The following COL4A6 variants were observed in gnomAD, a reference collection of about 807,000 sequenced individuals.
The protein encoded by COL4A6 is collagen alpha-6(IV) chain.
COL4A6 carries 59 observed loss-of-function variants against 126.7 expected under a neutral mutation model. The observed-to-expected ratio is 0.47, with a 90% CI of 0.38 to 0.58. The LOEUF is 0.58. Among genes scored for constraint, COL4A6 ranks in the 20% least tolerant of loss-of-function variants. The pLI is 0.00. For missense variants in COL4A6, 1,285 were observed against 1,337.3 expected (o/e 0.96, Z 0.61); for synonymous variants, 547 against 496.6 (o/e 1.10, Z -1.35).
chrX:108,433,311 T>G (rs2064206077), intron 2 of COL4A6, among the ~76,000 whole-genome samples: 1 of 111,229 alleles, frequency 9.0e-6, no homozygotes, highest in Non-Finnish European at 1.9e-5. Context: ...GGTCTTCTAT[T>G]TACATTTAAT....
At chrX:108,291,742 T>C (rs949427206) in intron 3 of COL4A6, among the ~76,000 whole-genome samples, 1 of 112,087 alleles carries the variant, frequency 8.9e-6, no homozygotes. Flanking sequence ...ATTGCCAGTA[T>C]TAATTTTAGA....
chrX:108,403,595 GT>G (rs1400644482), intron 2 of COL4A6, among the ~76,000 whole-genome samples: 1 of 110,349 alleles, frequency 9.1e-6, no homozygotes, highest in Admixed American at 9.7e-5. Flanking sequence ...TAATAAATGC[GT>G]TGTTCAATTC....
Position 108,348,801 on chromosome X carries a change from C to T in COL4A6, c.64-37973G>A, listed in dbSNP as rs188663019. Among the ~76,000 whole-genome samples the T allele has an allele frequency of 2.7e-5, 3 of 111,667 alleles. No individual in the cohort carries two copies. The East Asian group carries it at 8.5e-4, about 32-fold the overall frequency. On this transcript the variant is annotated intron_variant, in intron 2 of 44. Coordinates refer to ENST00000334504, the MANE Select transcript of COL4A6 (RefSeq NM_033641.4). ...TCCTAAACTCTAAAAGAAGAGTTGG[C>T]GAGGATACCAATTCTATTGAATTTC... is the stretch of plus-strand genomic sequence containing the variant.
At chrX:108,354,659 C>T (rs754301827) in intron 2 of COL4A6, among the ~76,000 whole-genome samples, 3 of 92,222 alleles carry the variant, frequency 3.3e-5, no homozygotes, top group Admixed American at 1.4e-4. Context: ...TAGCAAGGCT[C>T]GAAGCTGCCA....
At chrX:108,292,992 G>GAAAAA (rs2038206236) in intron 3 of COL4A6, among the ~76,000 whole-genome samples, 4 of 10,443 alleles carry the variant, frequency 3.8e-4, no homozygotes, top group Non-Finnish European at 4.4e-4. Context: ...AAGGAAAAAA[G>GAAAAA]CAAAAAAAAA....
chrX:108,392,694 T>C (rs1033109245), intron 2 of COL4A6, among the ~76,000 whole-genome samples: 3 of 110,926 alleles, frequency 2.7e-5, no homozygotes, highest in Non-Finnish European at 5.7e-5. Context: ...CTTCAGGAGG[T>C]GATTAGGTCA....
chrX:108,427,527 G>T (rs763545115), intron 2 of COL4A6, among the ~76,000 whole-genome samples: 4 of 111,704 alleles, frequency 3.6e-5, no homozygotes. Context: ...GAATATGCAC[G>T]TCCTGTTAAG....
intron 3 of COL4A6, among the ~76,000 whole-genome samples, chrX:108,278,900 T>A (rs1602991326): frequency 9.0e-6 from 1 of 111,147 alleles, no homozygotes; most frequent in African/African-American, 3.3e-5. Context: ...CTAAGCTTCA[T>A]AAGTGAAGGA....
intron 13 of COL4A6, among the ~76,000 whole-genome samples, chrX:108,201,633 G>A (rs1329778519): frequency 1.8e-5 from 2 of 111,895 alleles, no homozygotes; most frequent in Non-Finnish European, 3.8e-5. Context: ...GGGTACACGA[G>A]GAATCATTAT....
At chrX:108,360,957 A>T (rs1310656674) in intron 2 of COL4A6, among the ~76,000 whole-genome samples, 1 of 111,088 alleles carries the variant, frequency 9.0e-6, no homozygotes. Flanking sequence ...AGCGTGGGGC[A>T]GATCAGGGAA....
intron 3 of COL4A6, among the ~76,000 whole-genome samples, chrX:108,261,135 C>T (rs917760800): frequency 5.4e-5 from 6 of 111,257 alleles, no homozygotes; most frequent in South Asian, 3.8e-4. Context: ...AGCATGGTGC[C>T]GCCCTATATG....
intron 3 of COL4A6, among the ~76,000 whole-genome samples, chrX:108,241,212 C>T (rs948697892): frequency 3.6e-5 from 4 of 110,123 alleles, no homozygotes; most frequent in African/African-American, 9.9e-5. Flanking sequence ...ATAATAATAC[C>T]TACACTTACT....
chrX:108,202,772 A>G (rs1044186710), intron 13 of COL4A6, among the ~76,000 whole-genome samples, 156 bp downstream of exon 13: 3 of 111,951 alleles, frequency 2.7e-5, no homozygotes, highest in African/African-American at 6.5e-5. Context: ...CATGTGTTTG[A>G]GAAACAAGAA....
chrX:108,257,522 C>T (rs561218342), intron 3 of COL4A6, among the ~76,000 whole-genome samples: 1 of 111,590 alleles, frequency 9.0e-6, no homozygotes, highest in East Asian at 2.9e-4. Flanking sequence ...CTCCTCTGAT[C>T]ACTGATTCTG....
chrX:108,346,060 C>A (rs755135011), intron 2 of COL4A6, among the ~76,000 whole-genome samples: 32 of 111,282 alleles, frequency 2.9e-4, no homozygotes, highest in Non-Finnish European at 4.7e-4. Flanking sequence ...CCCGCACCCC[C>A]CACACACCGT....
Position 108,159,536 on chromosome X carries a change from G to GCACAGCAA in COL4A6, c.4730_4737dup (p.His1580LeufsTer48). The GCACAGCAA allele has an allele frequency of 8.2e-7, 1 of 1,212,382 alleles. No homozygotes were observed. The highest frequency in any genetic ancestry group is 1.1e-6 in the Non-Finnish European group (1 of 895,634). On this transcript the variant is annotated frameshift_variant, in exon 44 of 45. Transcript: ENST00000334504. LOFTEE classifies it high-confidence loss of function. ...TGCGGGATGGTGATGTCCTGGCTGT[G>GCACAGCAA]CACAGCAATGGCTTGCGAGGGTGCC...
chrX:108,277,013 T>C (rs1246753545), intron 3 of COL4A6, among the ~76,000 whole-genome samples: 1 of 111,883 alleles, frequency 8.9e-6, no homozygotes, highest in Non-Finnish European at 1.9e-5. Flanking sequence ...GGTTGAAAGG[T>C]ATAGAGGCGA....
intron 3 of COL4A6, among the ~76,000 whole-genome samples, chrX:108,305,696 C>T (rs2038608860): frequency 9.0e-6 from 1 of 111,394 alleles, no homozygotes; most frequent in African/African-American, 3.3e-5. Context: ...GACAAATGGA[C>T]AGGACTTAAT....
intron 3 of COL4A6, among the ~76,000 whole-genome samples, chrX:108,262,052 C>T (rs1476678807): frequency 9.0e-6 from 1 of 111,696 alleles, no homozygotes; most frequent in Non-Finnish European, 1.9e-5. Context: ...TTTGTTGGGT[C>T]CTGTTTTCCA....
Sources: allele counts gnomAD v4.1 joint callset (sites outside exome capture counted in the v4.1 genomes callset), GRCh38; gene constraint gnomAD v4.1.1; transcripts MANE v1.5; gene names NCBI Gene and HGNC (gene_info 2026-07-23, HGNC 2026-07-21).